CLPB: variants seen among roughly 807,000 people sequenced by gnomAD.
CLPB encodes mitochondrial disaggregase.
Under a neutral mutation model 78.4 loss-of-function variants are expected in CLPB, and 40 were observed. The ratio of observed to expected loss-of-function variants is 0.51; its 90% CI spans 0.40 to 0.66. The LOEUF (loss-of-function observed/expected upper bound fraction) is 0.66, where lower values mean the gene tolerates loss of function less well. Among genes scored for constraint, CLPB ranks in the 30% least tolerant of loss-of-function variants. CLPB has a pLI of 0.00. For synonymous variants in CLPB, 333 were observed against 348.0 expected (o/e 0.96, Z 0.48); for missense variants, 780 against 886.9 (o/e 0.88, Z 1.53).
intron 2 of CLPB, among the ~76,000 whole-genome samples, chr11:72,422,304 A>AT (rs1247889641): frequency 6.7e-6 from 1 of 149,000 alleles, no homozygotes; most frequent in African/African-American, 2.5e-5. Flanking sequence ...AGGGAACTGT[A>AT]TTTAAAAGGT....
At chr11:72,361,662 T>A (rs944362305) in intron 4 of CLPB, among the ~76,000 whole-genome samples, 5 of 152,194 alleles carry the variant, frequency 3.3e-5, no homozygotes, top group Admixed American at 2.0e-4. Flanking sequence ...CATAGGACAT[T>A]AACTGCTGGA....
intron 4 of CLPB, among the ~76,000 whole-genome samples, chr11:72,379,130 C>T (rs1036953088): frequency 1.1e-4 from 16 of 152,160 alleles, no homozygotes; most frequent in African/African-American, 3.4e-4. Flanking sequence ...GCAACAACAC[C>T]GCTACTCTGA....
At position 72,294,063 on chromosome 11, in the gene CLPB, C is replaced by T. The variant is rs747198658; in HGVS notation, c.1744G>A (p.Gly582Ser). 41 of 1,614,006 alleles carry T rather than the reference C, an allele frequency of 2.5e-5. No individual in the cohort carries two copies. Among genetic ancestry groups the T allele is most frequent in the Non-Finnish European group, 3.2e-5 (38 of 1,180,030 alleles). Residue 582 changes from glycine (G) to serine (S), a missense_variant, in exon 15 of 16, where the codon GGC becomes AGC. Physicochemically the swap from Gly to Ser is moderately conservative, Grantham distance 56. Around this residue, in one of 3 missense-constraint regions of CLPB, gnomAD observed 272 missense variants for 304.0 expected, o/e 0.89. Transcript: ENST00000538039. Reference sequence around the variant, plus strand: ...CGGGCGCCATAGTGCACATTGTAGCCGTCGACCAGCACATCTGCCACCTCG... The same window carrying T: ...CGGGCGCCATAGTGCACATTGTAGCTGTCGACCAGCACATCTGCCACCTCG... Reference protein sequence around the residue: ...DREVADVLVDGYNVHYGARSI... With the variant: ...DREVADVLVDSYNVHYGARSI...
chr11:72,334,595 C>T (rs1464973243), intron 5 of CLPB, among the ~76,000 whole-genome samples: 2 of 152,388 alleles, frequency 1.3e-5, no homozygotes, highest in East Asian at 1.9e-4. Context: ...TAAATAACCA[C>T]GTTGGGCCTC....
chr11:72,333,238 C>T (rs1419091970), intron 5 of CLPB, among the ~76,000 whole-genome samples: 1 of 152,194 alleles, frequency 6.6e-6, no homozygotes, highest in Non-Finnish European at 1.5e-5. Context: ...TTGGCCTTTG[C>T]TTTCAGGACA....
At position 72,337,211 on chromosome 11, in the gene CLPB, T is replaced by G. The variant is rs180950700; in HGVS notation, c.776-7407A>C. The G allele has an allele frequency of 1.1e-3, 456 of 398,442 alleles. 7 individuals are homozygous for G. The East Asian group carries it at 0.016, about 14-fold the overall frequency. 24.7% of individuals were successfully genotyped at this position (398,442 alleles called of 1,614,324 possible). A position where few individuals can be genotyped will look rare whatever the true frequency, so the allele number is the denominator to read the frequency against. On this transcript the variant is annotated intron_variant, in intron 5 of 15. Transcript: ENST00000538039. ...AATAGAGCTCTGGTCTTCTGATATCTTGAGCTTTTTCTATAAACCACACCA... is the reference window on the plus strand; with the variant it reads ...AATAGAGCTCTGGTCTTCTGATATCGTGAGCTTTTTCTATAAACCACACCA...
chr11:72,335,143 G>A (rs1950296309), intron 5 of CLPB, among the ~76,000 whole-genome samples: 1 of 152,052 alleles, frequency 6.6e-6, no homozygotes. Flanking sequence ...GGGGGTGGGT[G>A]GTCGTGGGGC....
intron 11 of CLPB, among the ~76,000 whole-genome samples, chr11:72,297,636 GGTGTGTGTGTGTGT>G (rs67807556): frequency 0.022 from 2,013 of 93,422 alleles, 65 homozygotes; most frequent in African/African-American, 0.041. Flanking sequence ...TTGGGGACCA[GGTGTGTGTGTGTGT>G]GTGTGTGTGT....
chr11:72,361,807 T>G (rs1010973696), intron 4 of CLPB, among the ~76,000 whole-genome samples: 1 of 152,170 alleles, frequency 6.6e-6, no homozygotes, highest in African/African-American at 2.4e-5. Context: ...CCTGGAGATA[T>G]AATAATAAAT....
intron 2 of CLPB, among the ~76,000 whole-genome samples, chr11:72,426,715 GA>G (rs1401938956): frequency 1.3e-5 from 2 of 152,206 alleles, no homozygotes; most frequent in Non-Finnish European, 2.9e-5. Context: ...CTGTGCTGTG[GA>G]ACAGGGTAAA....
chr11:72,316,917 T>C (rs1479843965), intron 7 of CLPB, among the ~76,000 whole-genome samples, 189 bp downstream of exon 7: 1 of 152,190 alleles, frequency 6.6e-6, no homozygotes, highest in Non-Finnish European at 1.5e-5. Flanking sequence ...AGTACCAACC[T>C]CAGAGGATTG....
At chr11:72,354,946 A>G (rs1188021695) in intron 5 of CLPB, among the ~76,000 whole-genome samples, 1 of 151,932 alleles carries the variant, frequency 6.6e-6, no homozygotes, top group East Asian at 1.9e-4. Flanking sequence ...CACCTACCCC[A>G]TTATCATGGT....
At chr11:72,306,183 GT>G (rs1949743408) in intron 9 of CLPB, among the ~76,000 whole-genome samples, 1 of 152,238 alleles carries the variant, frequency 6.6e-6, no homozygotes, top group Non-Finnish European at 1.5e-5. Flanking sequence ...GCTAGGGGGA[GT>G]TTAAGAGCCT....
intron 5 of CLPB, among the ~76,000 whole-genome samples, chr11:72,343,469 C>T (rs558522062): frequency 2.6e-5 from 4 of 152,114 alleles, no homozygotes; most frequent in Non-Finnish European, 5.9e-5. Flanking sequence ...TACTCATCTC[C>T]CTCATAAAAC....
intron 1 of CLPB, among the ~76,000 whole-genome samples, chr11:72,431,925 T>G (rs1380875381): frequency 6.6e-6 from 1 of 152,230 alleles, no homozygotes; most frequent in East Asian, 1.9e-4. Context: ...GTATTCTTGC[T>G]GGAGTTCATA....
chr11:72,367,859 A>T (rs936731027), intron 4 of CLPB, among the ~76,000 whole-genome samples: 2 of 152,080 alleles, frequency 1.3e-5, no homozygotes, highest in East Asian at 3.8e-4. Flanking sequence ...GCTTTTTTAT[A>T]TTAAGCTCTT....
chr11:72,350,982 C>CA (rs1401707891), intron 5 of CLPB, among the ~76,000 whole-genome samples: 1 of 152,192 alleles, frequency 6.6e-6, no homozygotes, highest in Non-Finnish European at 1.5e-5. Flanking sequence ...ACCTTGTACC[C>CA]ATTAGCAATC....
chr11:72,340,690 T>C (rs1477468917), intron 5 of CLPB, among the ~76,000 whole-genome samples: 1 of 152,194 alleles, frequency 6.6e-6, no homozygotes, highest in Admixed American at 6.5e-5. Flanking sequence ...TAGAGAGCTC[T>C]GGGAACATAC....
At position 72,292,028 on chromosome 11, in the gene CLPB, G is replaced by C. The variant is rs1438718948; in HGVS notation, c.*1339C>G. 1 of 134,878 alleles carries C rather than the reference G, an allele frequency of 7.4e-6. No homozygotes were observed. Among genetic ancestry groups the C allele is most frequent in the Non-Finnish European group, 1.5e-5 (1 of 64,970 alleles). The allele number at this position is 134,878 out of a possible 1,614,324, so 8.4% of individuals were successfully genotyped here. ...ACTGCACTCCAGCTTGGGGGACAGA[G>C]TGAGACTCTGTCTCAAAAAAAAAAA... On this transcript the variant is annotated 3_prime_UTR_variant, in exon 16 of 16. Transcript: ENST00000538039.
Sources: gnomAD v4.1 joint callset for allele counts (sites outside exome capture counted in the v4.1 genomes callset) on GRCh38, gnomAD v4.1.1 for gene constraint, gnomAD v4.1.1 regional missense constraint, MANE v1.5 for transcripts, NCBI Gene and HGNC (gene_info 2026-07-23, HGNC 2026-07-21) for gene names.